Variants in GEN1 observed in about 807,000 individuals in gnomAD.
GEN1 encodes the protein GEN1 structure-specific endonuclease.
Under a neutral mutation model 67.6 loss-of-function variants are expected in GEN1, and 64 were observed. The observed-to-expected ratio is 0.95, with a 90% CI of 0.77 to 1.17. GEN1 has a LOEUF of 1.17. Among genes scored for constraint, GEN1 ranks in the 50% most tolerant of loss-of-function variants. The probability of loss-of-function intolerance (pLI) is 0.00; values close to 1 mark genes in which losing one functional copy is unlikely to be tolerated. For missense variants in GEN1, 1,058 were observed against 1,048.3 expected (o/e 1.01, Z -0.13); for synonymous variants, 371 against 359.4 (o/e 1.03, Z -0.37).
chr2:17,758,165 A>C (rs1375698894), intron 1 of GEN1, among the ~76,000 whole-genome samples: 2 of 152,244 alleles, frequency 1.3e-5, no homozygotes, highest in Non-Finnish European at 2.9e-5. Flanking sequence ...GCTACAGTGA[A>C]TATTGTTGTA....
chr2:17,753,720 G>A (rs1671228244), upstream of GEN1: 2 of 152,288 alleles, frequency 1.3e-5, no homozygotes, highest in Non-Finnish European at 2.9e-5. Context: ...TCTCGACCTC[G>A]GCTGACCGCC....
rs1671597763 is a variant in GEN1, at chr2:17,759,996, C to G, written c.53C>G (p.Pro18Arg). The change falls in exon 2 of 14, where the codon CCC becomes CGC. Residue 18 changes from proline to arginine, a missense_variant. By Grantham distance (103) the Pro-to-Arg change is moderately radical. Transcript: ENST00000381254. ...TTGGAGCCTGTTAAGCAACACATCCCCTTGCGTAATCTTGGTGGGAAAACC... is the reference window on the plus strand; with the variant it reads ...TTGGAGCCTGTTAAGCAACACATCCGCTTGCGTAATCTTGGTGGGAAAACC... The part of the protein sequence containing the change: ...QILEPVKQHI[P>R]LRNLGGKTIA... 1 of 1,613,986 alleles carries G rather than the reference C, an allele frequency of 6.2e-7. No individual in the cohort carries two copies. Among genetic ancestry groups the G allele is most frequent in the East Asian group, 2.2e-5 (1 of 44,876 alleles).
rs745538709 is a variant in GEN1, at chr2:17,778,037, GT to G, written c.1242del (p.Phe414LeufsTer3). Reference sequence around the variant, plus strand: ...ACTCGAATCAGAAATGGAGTTCATTGTTTTGAAATAGAATGGGAAAAGCCTG... The same window carrying G: ...ACTCGAATCAGAAATGGAGTTCATTGTTTGAAATAGAATGGGAAAAGCCTG... ...VKTRIRNGVH[C>X]FEIEWEKPEH... On this transcript the variant is annotated frameshift_variant, in exon 12 of 14. Transcript: ENST00000381254. LOFTEE classifies it high-confidence loss of function. 6.3e-7 allele frequency: 1 copy of G among 1,596,644 alleles called. No individual in the cohort carries two copies. Among genetic ancestry groups the G allele is most frequent in the East Asian group, 2.3e-5 (1 of 44,382 alleles).
chr2:17,784,521 A>G lies in GEN1; in HGVS notation c.*2582A>G, dbSNP rs552387875. 4 of 152,334 alleles carry G rather than the reference A, an allele frequency of 2.6e-5. No individual in the cohort carries two copies. The East Asian group carries it at 5.8e-4, about 22-fold the overall frequency. 9.4% of individuals were successfully genotyped at this position (152,334 alleles called of 1,614,324 possible). ...TAAAAACCTGTGCACAAATGTCCATAGCAGCGTTATTCATAATAGCCTAAA... is the reference window on the plus strand; with the variant it reads ...TAAAAACCTGTGCACAAATGTCCATGGCAGCGTTATTCATAATAGCCTAAA... On this transcript the variant is annotated 3_prime_UTR_variant, in exon 14 of 14. Coordinates refer to ENST00000381254, the MANE Select transcript of GEN1 (RefSeq NM_001130009.3).
At chr2:17,770,524 T>G (rs1672131456) in intron 6 of GEN1, among the ~76,000 whole-genome samples, 1 of 152,136 alleles carries the variant, frequency 6.6e-6, no homozygotes, top group Non-Finnish European at 1.5e-5. Flanking sequence ...AACACATACG[T>G]TTTATGATTA....
In GEN1 at chr2:17,783,818, T is replaced by C. The variant is rs1434375029; in HGVS notation, c.*1879T>C. 1 of 152,248 alleles carries C rather than the reference T, an allele frequency of 6.6e-6. No individual in the cohort carries two copies. Among genetic ancestry groups the C allele is most frequent in the Non-Finnish European group, 1.5e-5 (1 of 68,038 alleles). The allele number at this position is 152,248 out of a possible 1,614,324, so 9.4% of individuals were successfully genotyped here. On this transcript the variant is annotated 3_prime_UTR_variant, in exon 14 of 14. Transcript: ENST00000381254. The stretch of plus-strand genomic sequence containing the variant: ...CTATGTAAAAAAGAGTGACATTTGA[T>C]TCCTACTTCACATGATATTTAAGAA...
Position 17,768,403 on chromosome 2 carries a change from T to G in GEN1, c.637-335T>G, listed in dbSNP as rs777893324. Among the ~76,000 whole-genome samples the G allele has an allele frequency of 1.2e-4, 18 of 152,232 alleles. 1 individual carries two copies. The highest frequency in any genetic ancestry group is 2.4e-4 in the Non-Finnish European group (16 of 68,036). On this transcript the variant is annotated intron_variant, in intron 5 of 13. Coordinates refer to ENST00000381254, the MANE Select transcript of GEN1 (RefSeq NM_001130009.3). The stretch of plus-strand genomic sequence containing the variant: ...CATAAAGTTAGGTTAAATTAAAATA[T>G]TATCCAAATAATTAACATAGTAAAT...
At position 17,781,846 on chromosome 2, in the gene GEN1, A is replaced by G. The variant is rs766307879; in HGVS notation, c.2634A>G (p.Leu878=). 2 of 1,608,876 alleles carry G rather than the reference A, an allele frequency of 1.2e-6. No individual in the cohort carries two copies. The highest frequency in any genetic ancestry group is 1.1e-5 in the South Asian group (1 of 89,560). The change falls in exon 14 of 14, where the codon CTA becomes CTG. Residue 878 remains leucine (L), a synonymous_variant. Transcript: ENST00000381254. ...PDSTKSSLSS[L]QCHKKENNSG... ...CAACAAAAAGTTCTCTGAGTTCTCTACAATGTCATAAGAAAGAAAACAACT... is the reference window on the plus strand; with the variant it reads ...CAACAAAAAGTTCTCTGAGTTCTCTGCAATGTCATAAGAAAGAAAACAACT...
intron 12 of GEN1, among the ~76,000 whole-genome samples, chr2:17,779,064 A>G (rs1017651816): frequency 1.3e-5 from 2 of 152,172 alleles, no homozygotes; most frequent in Admixed American, 6.6e-5. Context: ...CTGGGGTTAC[A>G]GGCACCTGCC....
intron 1 of GEN1, among the ~76,000 whole-genome samples, chr2:17,759,242 T>C (rs1482013949): frequency 1.3e-5 from 2 of 152,140 alleles, no homozygotes; most frequent in Non-Finnish European, 2.9e-5. Context: ...AAACCAAATA[T>C]AGATGTATAA....
intron 12 of GEN1, among the ~76,000 whole-genome samples, chr2:17,779,033 C>T (rs1398692339): frequency 1.3e-5 from 2 of 152,310 alleles, no homozygotes; most frequent in East Asian, 3.9e-4. Context: ...AGTGATTCTC[C>T]TGCCTCAGCC....
intron 10 of GEN1, among the ~76,000 whole-genome samples, chr2:17,773,563 A>C (rs541673294): frequency 1.3e-5 from 2 of 152,194 alleles, no homozygotes; most frequent in East Asian, 3.9e-4. Context: ...TTGGGGGAAG[A>C]GGGTTTAATA....
At chr2:17,755,931 A>G (rs1671414553) in intron 1 of GEN1, among the ~76,000 whole-genome samples, 1 of 152,206 alleles carries the variant, frequency 6.6e-6, no homozygotes, top group Non-Finnish European at 1.5e-5. Context: ...GGTTACATCA[A>G]AGGACTTGTT....
Position 17,781,133 on chromosome 2 carries a change from G to T in GEN1, c.1921G>T (p.Ala641Ser). 6.2e-7 allele frequency: 1 copy of T among 1,613,888 alleles called. No individual in the cohort carries two copies. Among genetic ancestry groups the T allele is most frequent in the Non-Finnish European group, 8.5e-7 (1 of 1,179,850 alleles). ...QLSCESERYT[A>S]NIKKVLDEDS... ...GTCCTGTGAATCAGAAAGGTACACTGCAAACATAAAGAAAGTGTTGGATGA... is the reference window on the plus strand; with the variant it reads ...GTCCTGTGAATCAGAAAGGTACACTTCAAACATAAAGAAAGTGTTGGATGA... Residue 641 changes from alanine (A) to serine (S), a missense_variant, in exon 14 of 14, where the codon GCA becomes TCA. Ala to Ser is a moderately conservative substitution (Grantham distance 99, BLOSUM62 1). Coordinates refer to ENST00000381254, the MANE Select transcript of GEN1 (RefSeq NM_001130009.3).
chr2:17,776,999 GCCTGTAATCCCA>G, intron 11 of GEN1, among the ~76,000 whole-genome samples: 1 of 152,210 alleles, frequency 6.6e-6, no homozygotes, highest in African/African-American at 2.4e-5. Context: ...GGTGGTACAT[GCCTGTAATCCCA>G]TTTACTTGGG....
chr2:17,756,783 A>G (rs1270655099), intron 1 of GEN1, among the ~76,000 whole-genome samples: 1 of 152,172 alleles, frequency 6.6e-6, no homozygotes, highest in East Asian at 1.9e-4. Flanking sequence ...ACCTCATCAC[A>G]TTGATTATGA....
rs371131912 is a variant in GEN1, at chr2:17,775,510, C to A, written c.1202+1109C>A. Reference sequence around the variant, plus strand: ...ATAGTTATACTACAAATTATAGTCGCAATACATGAAATACCCAAGGCATAT... The same window carrying A: ...ATAGTTATACTACAAATTATAGTCGAAATACATGAAATACCCAAGGCATAT... On this transcript the variant is annotated intron_variant, in intron 11 of 13. Transcript: ENST00000381254. Among the ~76,000 whole-genome samples, 5 of 152,198 alleles carry A rather than the reference C, an allele frequency of 3.3e-5. No homozygotes were observed. The South Asian group carries it at 1.0e-3, about 32-fold the overall frequency.
At chr2:17,769,559 CT>C (rs1672091700) in intron 6 of GEN1, among the ~76,000 whole-genome samples, 1 of 152,096 alleles carries the variant, frequency 6.6e-6, no homozygotes, top group African/African-American at 2.4e-5. Context: ...ATTGTATTTT[CT>C]TTCTATAAAT....
At chr2:17,779,892 T>C in intron 12 of GEN1, 86 bp from the exon 13 acceptor site, 1 of 1,100,926 alleles carries the variant, frequency 9.1e-7, no homozygotes, top group Admixed American at 2.3e-5. Flanking sequence ...AATGCTGGGA[T>C]TACAGGTGTG....
Sources: allele counts gnomAD v4.1 joint callset (sites outside exome capture counted in the v4.1 genomes callset), GRCh38; gene constraint gnomAD v4.1.1; transcripts MANE v1.5; gene names NCBI Gene and HGNC (gene_info 2026-07-23, HGNC 2026-07-21).